Variants in FHOD3 observed in about 807,000 individuals in gnomAD.
FHOD3 encodes FH1/FH2 domain-containing protein 3.
A neutral mutation model predicts 173.0 loss-of-function variants in FHOD3; 90 were observed. That is an observed-to-expected ratio of 0.52 (90% CI 0.44 to 0.62). The LOEUF (loss-of-function observed/expected upper bound fraction) is 0.62. Ranked by LOEUF, FHOD3 falls within the 20% of genes least tolerant of loss-of-function variation. FHOD3 has a pLI of 0.00. For missense variants in FHOD3, 1,945 were observed against 2,034.7 expected, an observed-to-expected ratio of 0.96 and a Z score of 0.85; for synonymous variants, 828 against 823.0, an observed-to-expected ratio of 1.01 and a Z score of -0.10.
intron 5 of FHOD3, among the ~76,000 whole-genome samples, chr18:36,542,843 A>T (rs2057277669): frequency 6.6e-6 from 1 of 152,220 alleles, no homozygotes; most frequent in Non-Finnish European, 1.5e-5. Context: ...GCACAAAAAA[A>T]AATGACGAAG....
intron 10 of FHOD3, among the ~76,000 whole-genome samples, chr18:36,645,355 G>A (rs1410409883): frequency 6.6e-6 from 1 of 152,176 alleles, no homozygotes; most frequent in Admixed American, 6.5e-5. Flanking sequence ...AGGAATCAGA[G>A]GCTGCAGTGA....
intron 10 of FHOD3, among the ~76,000 whole-genome samples, chr18:36,633,748 TTTG>T (rs1447834452): frequency 6.6e-6 from 1 of 152,226 alleles, no homozygotes; most frequent in Non-Finnish European, 1.5e-5. Flanking sequence ...ATGAATTAGA[TTTG>T]TTGAGAAAGC....
intron 18 of FHOD3, among the ~76,000 whole-genome samples, chr18:36,715,409 G>A (rs1380588572): frequency 6.6e-6 from 1 of 152,174 alleles, no homozygotes; most frequent in Non-Finnish European, 1.5e-5. Flanking sequence ...CCCCAGCCAT[G>A]CTGAACTGTG....
Position 36,658,204 on chromosome 18 carries a change from A to G in FHOD3, c.1835+16A>G. 6.5e-7 allele frequency: 1 copy of G among 1,535,278 alleles called. No homozygotes were observed. The highest frequency in any genetic ancestry group is 8.9e-7 in the Non-Finnish European group (1 of 1,127,796). On this transcript the variant is annotated intron_variant, in intron 14 of 28. Coordinates refer to ENST00000590592, the MANE Select transcript of FHOD3 (RefSeq NM_001281740.3). ...GGTTGGAAAGGTGAGTTCGACAAGC[A>G]CGCTGATAGCTTCACAGTCCTCAAG... is the stretch of plus-strand genomic sequence containing the variant.
intron 5 of FHOD3, among the ~76,000 whole-genome samples, chr18:36,549,990 A>G (rs1046304513): frequency 6.6e-6 from 1 of 151,674 alleles, no homozygotes; most frequent in Non-Finnish European, 1.5e-5. Context: ...GTCTGGATCA[A>G]AGTTTTATGT....
intron 14 of FHOD3, among the ~76,000 whole-genome samples, chr18:36,662,210 A>G (rs1034687036): frequency 6.6e-6 from 1 of 152,294 alleles, no homozygotes; most frequent in Admixed American, 6.5e-5. Context: ...GGACTTTCTC[A>G]TCAATGGCGG....
intron 18 of FHOD3, 57 bp from the exon 19 acceptor site, chr18:36,717,775 T>C: frequency 6.6e-6 from 10 of 1,515,194 alleles, no homozygotes; most frequent in Non-Finnish European, 8.8e-6. Flanking sequence ...ATCGATTCTC[T>C]CATGGAAGTG....
In FHOD3 at chr18:36,526,187, C is replaced by A. The variant is rs183625155; in HGVS notation, c.511+13644C>A. Among the ~76,000 whole-genome samples the A allele has an allele frequency of 4.0e-3, 608 of 152,354 alleles. 4 individuals carry two copies. The highest frequency in any genetic ancestry group is 6.1e-3 in the Non-Finnish European group (416 of 68,038). ...AGGCCCCTCGTCGTAAGGAACTTGG[C>A]AGTGGCTTAGCATAGGAGCCATCTA... is the stretch of plus-strand genomic sequence containing the variant. On this transcript the variant is annotated intron_variant, in intron 5 of 28. Coordinates refer to ENST00000590592, the MANE Select transcript of FHOD3 (RefSeq NM_001281740.3).
intron 10 of FHOD3, among the ~76,000 whole-genome samples, chr18:36,630,708 A>G (rs117631989): frequency 6.6e-6 from 1 of 152,224 alleles, no homozygotes; most frequent in South Asian, 2.1e-4. Context: ...GAGCTGAGGA[A>G]TCTGCATTGA....
intron 13 of FHOD3, among the ~76,000 whole-genome samples, chr18:36,653,960 G>T (rs2036238664): frequency 1.3e-5 from 2 of 152,188 alleles, no homozygotes; most frequent in South Asian, 4.1e-4. Flanking sequence ...TAAGTACCTT[G>T]ACCAGAGTCA....
intron 14 of FHOD3, among the ~76,000 whole-genome samples, chr18:36,664,086 A>T (rs2036990863): frequency 6.6e-6 from 1 of 151,672 alleles, no homozygotes; most frequent in Non-Finnish European, 1.5e-5. Flanking sequence ...CCCAATACTT[A>T]AAAAAAAATT....
rs1465789483 is a variant in FHOD3, at chr18:36,780,166, G to A, written c.*636G>A. 7 of 1,231,770 alleles carry A rather than the reference G, an allele frequency of 5.7e-6. No individual in the cohort carries two copies. The African/African-American group carries it at 9.3e-5, about 16-fold the overall frequency. The allele number at this position is 1,231,770 out of a possible 1,614,324, so 76.3% of individuals were successfully genotyped here. Reference sequence around the variant, plus strand: ...GTGTCCTCAGAAGCACCCTCGCTTGGAACGGCCTTCAGATCCTTTGGGCTG... The same window carrying A: ...GTGTCCTCAGAAGCACCCTCGCTTGAAACGGCCTTCAGATCCTTTGGGCTG... On this transcript the variant is annotated 3_prime_UTR_variant, in exon 29 of 29. Coordinates refer to ENST00000590592, the MANE Select transcript of FHOD3 (RefSeq NM_001281740.3).
chr18:36,727,803 C>A (rs2041153442), intron 19 of FHOD3, among the ~76,000 whole-genome samples: 1 of 152,202 alleles, frequency 6.6e-6, no homozygotes, highest in African/African-American at 2.4e-5. Flanking sequence ...CTGAGTAGTG[C>A]TTCTCCCCCA....
intron 28 of FHOD3, 26 bp downstream of exon 28, chr18:36,769,452 C>G (rs751222100): frequency 6.2e-7 from 1 of 1,609,050 alleles, no homozygotes; most frequent in African/African-American, 1.3e-5. Context: ...GAGGGGCGAG[C>G]CTTCACCCCT....
chr18:36,554,320 G>A (rs2057784931), intron 5 of FHOD3, among the ~76,000 whole-genome samples: 1 of 152,118 alleles, frequency 6.6e-6, no homozygotes, highest in African/African-American at 2.4e-5. Flanking sequence ...AAAAGGATAA[G>A]TTCACGTCCT....
intron 9 of FHOD3, among the ~76,000 whole-genome samples, chr18:36,615,305 T>TA (rs1044893634): frequency 2.0e-5 from 3 of 152,176 alleles, no homozygotes; most frequent in Admixed American, 2.0e-4. Flanking sequence ...GTAATACATT[T>TA]AAAAAATATT....
At chr18:36,576,590 A>G (rs772817795) in intron 6 of FHOD3, 45 bp downstream of exon 6, 4 of 1,458,876 alleles carry the variant, frequency 2.7e-6, no homozygotes, top group Non-Finnish European at 3.8e-6. Context: ...TTGTCATATC[A>G]CTTGCCTTTC....
chr18:36,733,681 A>G (rs541943907), intron 20 of FHOD3, among the ~76,000 whole-genome samples: 48 of 152,296 alleles, frequency 3.2e-4, no homozygotes, highest in Middle Eastern at 3.4e-3. Context: ...CTTTTGATCC[A>G]GGAAGGAATA....
At chr18:36,727,214 G>T (rs1322617219) in intron 19 of FHOD3, among the ~76,000 whole-genome samples, 2 of 152,196 alleles carry the variant, frequency 1.3e-5, no homozygotes, top group Non-Finnish European at 2.9e-5. Context: ...CACTATTGCT[G>T]ACTTGAGGCT....
Sources: gnomAD v4.1 joint callset for allele counts (sites outside exome capture counted in the v4.1 genomes callset) on GRCh38, gnomAD v4.1.1 for gene constraint, MANE v1.5 for transcripts, NCBI Gene and HGNC (gene_info 2026-07-23, HGNC 2026-07-21) for gene names.